Variants in PTPA observed in about 807,000 individuals in gnomAD.
The protein encoded by PTPA is serine/threonine-protein phosphatase 2A activator.
Under a neutral mutation model 43.6 loss-of-function variants are expected in PTPA, and 13 were observed. The observed-to-expected ratio is 0.30, with a 90% CI of 0.19 to 0.47. The LOEUF is 0.47. Among genes scored for constraint, PTPA ranks in the 20% least tolerant of loss-of-function variants. The pLI is 0.99. For missense variants in PTPA, 329 were observed against 411.9 expected, an observed-to-expected ratio of 0.80 and a Z score of 1.74; for synonymous variants, 172 against 158.2, an observed-to-expected ratio of 1.09 and a Z score of -0.66.
Position 129,137,602 on chromosome 9 carries a change from C to A in PTPA, c.696C>A (p.Tyr232Ter). Residue 232 changes from tyrosine (Y) to a stop codon, truncating the protein, a stop_gained, in exon 8 of 10, where the codon TAC becomes TAA. Transcript: ENST00000393370. LOFTEE classifies it high-confidence loss of function. ...CATTCCTTTTCCCAGACCACCCATACCTGGAGCCCAGACACTTTGTGGATG... is the reference window on the plus strand; with the variant it reads ...CATTCCTTTTCCCAGACCACCCATAACTGGAGCCCAGACACTTTGTGGATG... ...WGSSQLIDHP[Y>*]LEPRHFVDEK... 6.2e-7 allele frequency: 1 copy of A among 1,611,796 alleles called. No homozygotes were observed. The highest frequency in any genetic ancestry group is 8.5e-7 in the Non-Finnish European group (1 of 1,178,930).
intron 5 of PTPA, among the ~76,000 whole-genome samples, chr9:129,133,537 C>T (rs1179870959): frequency 6.6e-6 from 1 of 152,208 alleles, no homozygotes; most frequent in East Asian, 1.9e-4. Flanking sequence ...CTCTTCTCAC[C>T]TCCCTCCAGA....
chr9:129,128,633 A>G (rs554492102), intron 3 of PTPA, among the ~76,000 whole-genome samples: 1 of 152,118 alleles, frequency 6.6e-6, no homozygotes, highest in East Asian at 1.9e-4. Flanking sequence ...TATGATGAGT[A>G]GGTATTGCAT....
intron 5 of PTPA, among the ~76,000 whole-genome samples, chr9:129,132,533 C>A (rs895753906): frequency 6.6e-6 from 1 of 152,136 alleles, no homozygotes; most frequent in Non-Finnish European, 1.5e-5. Context: ...CAGAGTCTCA[C>A]TCTGTTGCCC....
chr9:129,143,640 CCTCA>C (rs1373240699), intron 9 of PTPA: 1 of 555,104 alleles, frequency 1.8e-6, no homozygotes, highest in East Asian at 2.9e-5. Flanking sequence ...CAGACCGGGC[CCTCA>C]CTCCCTTCCG....
rs546421059 is a variant in PTPA at position 129,124,527 on chromosome 9, G to C, written c.216+1389G>C. Among the ~76,000 whole-genome samples, 10 of 152,284 alleles carry C rather than the reference G, an allele frequency of 6.6e-5. No homozygotes were observed. The East Asian group carries it at 1.7e-3, about 26-fold the overall frequency. The stretch of plus-strand genomic sequence containing the variant: ...TTTTTTTTGCGTTTGGGTTCACACT[G>C]CCTGGTGGGTGCTTTTTGGACGTTG... On this transcript the variant is annotated intron_variant, in intron 3 of 9. Coordinates refer to ENST00000393370, the MANE Select transcript of PTPA (RefSeq NM_178000.3).
rs753794865 is a variant in PTPA, at chr9:129,129,121, C to T, written c.342+11C>T. 2.2e-5 allele frequency: 36 copies of T among 1,611,870 alleles called. No homozygotes were observed. The South Asian group carries it at 3.6e-4, about 16-fold the overall frequency. On this transcript the variant is annotated intron_variant, in intron 4 of 9. Coordinates refer to ENST00000393370, the MANE Select transcript of PTPA (RefSeq NM_178000.3). ...GCCAAACTTGATGAGGTGAGGCTGCCACAGGACAGGCCAGGGACTGGGCTG... is the reference window on the plus strand; with the variant it reads ...GCCAAACTTGATGAGGTGAGGCTGCTACAGGACAGGCCAGGGACTGGGCTG...
At chr9:129,116,421 C>G (rs1848877357) in intron 1 of PTPA, among the ~76,000 whole-genome samples, 1 of 141,654 alleles carries the variant, frequency 7.1e-6, no homozygotes, top group Non-Finnish European at 1.5e-5. Context: ...GAGTCTCGCT[C>G]TGTTGACCAG....
intron 5 of PTPA, 25 bp from the exon 6 acceptor site, chr9:129,134,770 A>T (rs781319022): frequency 1.3e-5 from 20 of 1,579,528 alleles, no homozygotes; most frequent in Non-Finnish European, 1.7e-5. Flanking sequence ...GACTACTGTC[A>T]ACGCTGGTTG....
intron 9 of PTPA, chr9:129,143,101 G>T: frequency 1.5e-6 from 1 of 653,064 alleles, no homozygotes. Context: ...GCTGAGGAGA[G>T]GAGAGCTGAG....
intron 9 of PTPA, among the ~76,000 whole-genome samples, chr9:129,144,694 G>A (rs991054433): frequency 1.3e-3 from 189 of 148,522 alleles, no homozygotes; most frequent in Non-Finnish European, 2.1e-3. Context: ...AGCTGAGATG[G>A]TGCCACTGCA....
chr9:129,119,087 C>A, intron 1 of PTPA: 1 of 185,714 alleles, frequency 5.4e-6, no homozygotes, highest in South Asian at 7.8e-5. Context: ...CAACCCCCAC[C>A]TCCTGGACTC....
Position 129,130,270 on chromosome 9 carries a change from T to C in PTPA, c.342+1160T>C, listed in dbSNP as rs1339364750. 2.6e-5 allele frequency among the ~76,000 whole-genome samples: 4 copies of C among 152,294 alleles called. No individual in the cohort carries two copies. The East Asian group carries it at 7.7e-4, about 29-fold the overall frequency. The stretch of plus-strand genomic sequence containing the variant: ...ATGGCTCATGCCAGTTGTCTACAAC[T>C]GAGCTTAAGGAAATTTGGGTCCTAA... On this transcript the variant is annotated intron_variant, in intron 4 of 9. Coordinates refer to ENST00000393370, the MANE Select transcript of PTPA (RefSeq NM_178000.3).
chr9:129,116,610 C>T (rs1848897107), intron 1 of PTPA, among the ~76,000 whole-genome samples: 1 of 152,148 alleles, frequency 6.6e-6, no homozygotes, highest in South Asian at 2.1e-4. Flanking sequence ...TGGTCTCGAT[C>T]TCCTGACCTT....
At chr9:129,134,173 T>C (rs1850187759) in intron 5 of PTPA, among the ~76,000 whole-genome samples, 1 of 152,172 alleles carries the variant, frequency 6.6e-6, no homozygotes, top group East Asian at 1.9e-4. Flanking sequence ...ACATGGACAG[T>C]GACTGCTTAC....
At chr9:129,143,072 C>T in intron 9 of PTPA, 12 of 722,150 alleles carry the variant, frequency 1.7e-5, no homozygotes, top group East Asian at 2.7e-5. Flanking sequence ...AAATGGTTTT[C>T]CCTGCTCTCA....
chr9:129,141,208 G>A (rs1850797277), intron 8 of PTPA, among the ~76,000 whole-genome samples: 1 of 152,154 alleles, frequency 6.6e-6, no homozygotes, highest in African/African-American at 2.4e-5. Flanking sequence ...AGAGAAGTAA[G>A]AGGCCTGCCA....
rs1013536572 is a variant in PTPA at position 129,146,203 on chromosome 9, G to A, written c.895-1184G>A. ...TGGATCTGCGGCTGCTCCCCCTCCC[G>A]CCCAGGGACCACCTCCCGCTCCCTG... On this transcript the variant is annotated intron_variant, in intron 9 of 9. Coordinates refer to ENST00000393370, the MANE Select transcript of PTPA (RefSeq NM_178000.3). Among the ~76,000 whole-genome samples the A allele has an allele frequency of 5.3e-5, 8 of 152,014 alleles. No homozygotes were observed. In the East Asian group the frequency reaches 5.8e-4, roughly 11 times the overall value.
At chr9:129,138,519 A>G (rs1303429718) in intron 8 of PTPA, among the ~76,000 whole-genome samples, 2 of 152,146 alleles carry the variant, frequency 1.3e-5, no homozygotes, top group Non-Finnish European at 2.9e-5. Flanking sequence ...CCTCTCTGCC[A>G]TCCCCATGCC....
At chr9:129,136,706 C>G (rs1174462840) in intron 7 of PTPA, 111 bp downstream of exon 7, 1 of 1,312,090 alleles carries the variant, frequency 7.6e-7, no homozygotes, top group Non-Finnish European at 1.0e-6. Context: ...CCAGGGCAGA[C>G]AGTGACAGCT....
Sources: gnomAD v4.1 joint callset for allele counts (sites outside exome capture counted in the v4.1 genomes callset) on GRCh38, gnomAD v4.1.1 for gene constraint, MANE v1.5 for transcripts, NCBI Gene and HGNC (gene_info 2026-07-23, HGNC 2026-07-21) for gene names.